Variants in MECOM observed in about 807,000 individuals in gnomAD.
The protein encoded by MECOM is histone-lysine N-methyltransferase MECOM.
In MECOM, 13 loss-of-function variants were observed where a neutral mutation model predicts 116.3. That is an observed-to-expected ratio of 0.11 (90% CI 0.07 to 0.18). The LOEUF is 0.18. Among genes scored for constraint, MECOM ranks in the 10% least tolerant of loss-of-function variants. The pLI is 1.00. For synonymous variants in MECOM, 528 were observed against 535.2 expected, an observed-to-expected ratio of 0.99 and a Z score of 0.19; for missense variants, 1,299 against 1,509.0, an observed-to-expected ratio of 0.86 and a Z score of 2.31.
At chr3:169,430,295 T>C (rs1483248895) in intron 1 of MECOM, among the ~76,000 whole-genome samples, 3 of 152,150 alleles carry the variant, frequency 2.0e-5, no homozygotes, top group Admixed American at 2.0e-4. Context: ...ATATCAAAAA[T>C]TAAAATGTAA....
chr3:169,363,467 C>G (rs1728641430), intron 2 of MECOM, among the ~76,000 whole-genome samples: 1 of 151,906 alleles, frequency 6.6e-6, no homozygotes, highest in Non-Finnish European at 1.5e-5. Flanking sequence ...AACACGTGCG[C>G]TCTTTCTGGT....
At chr3:169,447,434 C>T (rs921242256) in intron 1 of MECOM, among the ~76,000 whole-genome samples, 1 of 152,100 alleles carries the variant, frequency 6.6e-6, no homozygotes, top group African/African-American at 2.4e-5. Flanking sequence ...TATCTACTAT[C>T]TCCCCCCACC....
In MECOM at chr3:169,197,344, A is replaced by AAAT. The variant is rs1453180102; in HGVS notation, c.376-53513_376-53512insATT. 0.011 allele frequency among the ~76,000 whole-genome samples: 74 copies of AAAT among 6,844 alleles called. No homozygotes were observed. The East Asian group carries it at 0.15, about 13-fold the overall frequency. The allele number at this position is 6,844 out of a possible 152,430, so 4.5% of individuals were successfully genotyped here. A position where few individuals can be genotyped will look rare whatever the true frequency, so the allele number is the denominator to read the frequency against. On this transcript the variant is annotated intron_variant, in intron 2 of 16. Coordinates refer to ENST00000651503, the MANE Select transcript of MECOM (RefSeq NM_004991.4). ...AAAATAAATAAATAAATAAATAAATAAAATAAAATAAAATAAAATAAAACA... is the reference window on the plus strand; with the variant it reads ...AAAATAAATAAATAAATAAATAAATAAATAAATAAAATAAAATAAAATAAAACA...
At chr3:169,335,473 A>G (rs1723444839) in intron 2 of MECOM, among the ~76,000 whole-genome samples, 1 of 152,176 alleles carries the variant, frequency 6.6e-6, no homozygotes, top group African/African-American at 2.4e-5. Context: ...AGGTGAGCTC[A>G]GCGTGCGCTT....
chr3:169,398,139 G>A (rs1177673855), intron 1 of MECOM, among the ~76,000 whole-genome samples: 1 of 152,116 alleles, frequency 6.6e-6, no homozygotes. Context: ...TGGAAACATG[G>A]CAGGCTATTG....
chr3:169,099,726 G>T (rs1013008180), intron 12 of MECOM, among the ~76,000 whole-genome samples: 3 of 152,036 alleles, frequency 2.0e-5, no homozygotes, highest in Non-Finnish European at 2.9e-5. Flanking sequence ...AAAGGAGAAT[G>T]ACATTATGAT....
At chr3:169,483,797 G>C in intron 1 of MECOM, 3 of 1,611,536 alleles carry the variant, frequency 1.9e-6, no homozygotes, top group Non-Finnish European at 2.5e-6. Flanking sequence ...AATATTTTTT[G>C]GTGAGATATT....
At chr3:169,209,774 A>G (rs2149470933) in intron 2 of MECOM, among the ~76,000 whole-genome samples, 1 of 152,312 alleles carries the variant, frequency 6.6e-6, no homozygotes, top group South Asian at 2.1e-4. Context: ...AATTAGTGTA[A>G]TCATCGTGGA....
At chr3:169,141,194 A>G (rs575037146) in intron 3 of MECOM, among the ~76,000 whole-genome samples, 2 of 152,096 alleles carry the variant, frequency 1.3e-5, no homozygotes, top group South Asian at 4.1e-4. Flanking sequence ...GCAATTGAAA[A>G]CTTCATCTCA....
chr3:169,324,821 A>G (rs1218772088), intron 2 of MECOM, among the ~76,000 whole-genome samples: 8 of 152,218 alleles, frequency 5.3e-5, no homozygotes, highest in Non-Finnish European at 1.2e-4. Context: ...TCTGACAGCT[A>G]GAAGATTCAA....
intron 1 of MECOM, among the ~76,000 whole-genome samples, chr3:169,485,361 T>C (rs561018102): frequency 6.6e-6 from 1 of 152,332 alleles, no homozygotes; most frequent in Admixed American, 6.5e-5. Flanking sequence ...ATATTCTCGT[T>C]AGTGTTATAT....
chr3:169,360,313 T>A (rs1491003816), intron 2 of MECOM, among the ~76,000 whole-genome samples: 23 of 97,842 alleles, frequency 2.4e-4, no homozygotes, highest in East Asian at 3.2e-4. Flanking sequence ...AAAAAAAAAG[T>A]TACACCAAAA....
chr3:169,509,592 A>G (rs1213325951), intron 1 of MECOM, among the ~76,000 whole-genome samples: 1 of 152,154 alleles, frequency 6.6e-6, no homozygotes, highest in Non-Finnish European at 1.5e-5. Flanking sequence ...GCCTCTCATG[A>G]AAGTGGAACC....
intron 2 of MECOM, among the ~76,000 whole-genome samples, chr3:169,368,829 T>A (rs535283808): frequency 6.6e-6 from 1 of 152,082 alleles, no homozygotes; most frequent in South Asian, 2.1e-4. Flanking sequence ...ACTATTGACT[T>A]AGTGGCCAAA....
At chr3:169,223,757 T>G (rs1219305108) in intron 2 of MECOM, among the ~76,000 whole-genome samples, 2 of 152,198 alleles carry the variant, frequency 1.3e-5, no homozygotes, top group Non-Finnish European at 2.9e-5. Context: ...CCACTTGATT[T>G]AACAGTATGT....
chr3:169,637,512 C>T (rs1407584470), intron 1 of MECOM, among the ~76,000 whole-genome samples: 3 of 152,064 alleles, frequency 2.0e-5, no homozygotes, highest in African/African-American at 4.8e-5. Context: ...CAAGTTGTCC[C>T]GGGCCTCAGA....
At chr3:169,588,613 A>ATT (rs924890587) in intron 1 of MECOM, among the ~76,000 whole-genome samples, 1 of 151,686 alleles carries the variant, frequency 6.6e-6, no homozygotes, top group Non-Finnish European at 1.5e-5. Context: ...TGATGGAGAG[A>ATT]TTTTTTTTTA....
chr3:169,266,095 A>G (rs1444261729), intron 2 of MECOM, among the ~76,000 whole-genome samples: 1 of 152,214 alleles, frequency 6.6e-6, no homozygotes, highest in African/African-American at 2.4e-5. Context: ...GAGGATTTTT[A>G]CTTTGATAAT....
intron 16 of MECOM, 92 bp downstream of exon 16, chr3:169,088,908 C>T (rs1159886535): frequency 1.8e-6 from 2 of 1,141,720 alleles, no homozygotes; most frequent in Non-Finnish European, 2.3e-6. Flanking sequence ...TAAAATATTT[C>T]AAAGATAGAA....
Sources: allele counts gnomAD v4.1 joint callset (sites outside exome capture counted in the v4.1 genomes callset), GRCh38; gene constraint gnomAD v4.1.1; transcripts MANE v1.5; gene names NCBI Gene and HGNC (gene_info 2026-07-23, HGNC 2026-07-21).